The following FOCAD variants were observed in gnomAD, a reference collection of about 807,000 sequenced individuals.
The protein encoded by FOCAD is KIAA1797.
A neutral mutation model predicts 225.6 loss-of-function variants in FOCAD; 198 were observed. The observed-to-expected ratio is 0.88, with a 90% CI of 0.78 to 0.99. The LOEUF is 0.99. FOCAD is among the 50% of genes least tolerant of loss of function. The pLI is 0.00. For synonymous variants in FOCAD, 897 were observed against 755.0 expected (o/e 1.19, Z -3.08); for missense variants, 2,713 against 2,123.6 (o/e 1.28, Z -5.46).
At chr9:20,948,803 A>T (rs755432512) in intron 31 of FOCAD, 48 bp from the exon 32 acceptor site, 1 of 1,594,322 alleles carries the variant, frequency 6.3e-7, no homozygotes, top group South Asian at 1.1e-5. Flanking sequence ...TAGAATCTAA[A>T]CCCAAGGACT....
chr9:20,715,399 A>G lies in FOCAD; in HGVS notation c.46A>G (p.Ile16Val). ...RKRFEFPNSL[I>V]QSQAVGHLIA... ...AAGGTTTGAATTTCCAAATTCTCTTATCCAATCACAGGTAATTTTGTTTGT... is the reference window on the plus strand; with the variant it reads ...AAGGTTTGAATTTCCAAATTCTCTTGTCCAATCACAGGTAATTTTGTTTGT... Residue 16 changes from isoleucine to valine, a missense_variant, in exon 2 of 44, where the codon ATC becomes GTC. Transcript: ENST00000338382. The G allele has an allele frequency of 2.0e-6, 3 of 1,516,762 alleles. No individual in the cohort carries two copies. The highest frequency in any genetic ancestry group is 2.4e-5 in the East Asian group (1 of 42,088). 94.0% of individuals were successfully genotyped at this position (1,516,762 alleles called of 1,614,324 possible). A position where few individuals can be genotyped will look rare whatever the true frequency, so the allele number is the denominator to read the frequency against.
chr9:20,756,348 G>C (rs1829049667), intron 5 of FOCAD, among the ~76,000 whole-genome samples: 1 of 152,146 alleles, frequency 6.6e-6, no homozygotes, highest in African/African-American at 2.4e-5. Context: ...GGTAGTGTCA[G>C]AGAGGTGTTT....
intron 10 of FOCAD, among the ~76,000 whole-genome samples, chr9:20,785,900 C>T (rs1363943707): frequency 1.3e-5 from 2 of 152,180 alleles, no homozygotes; most frequent in East Asian, 1.9e-4. Context: ...CAGTTTCTCC[C>T]TGTCCTCGAC....
At chr9:20,666,193 T>TAGAA in intron 2 of FOCAD, among the ~76,000 whole-genome samples, 1 of 152,338 alleles carries the variant, frequency 6.6e-6, no homozygotes, top group South Asian at 2.1e-4. Flanking sequence ...TACTATCTCA[T>TAGAA]TGTTTAAACT....
Position 20,676,494 on chromosome 9 carries a change from A to C in FOCAD, c.-78+17668A>C, listed in dbSNP as rs576934093. Among the ~76,000 whole-genome samples, 6 of 152,350 alleles carry C rather than the reference A, an allele frequency of 3.9e-5. No homozygotes were observed. In the South Asian group the frequency reaches 1.0e-3, roughly 26 times the overall value. On this transcript the variant is annotated intron_variant, in intron 2 of 45. Transcript: ENST00000380249. ...TATAAAATTACAAGGCAAACAGAGCATATGTCCAAAACTCACATTATGGTA... is the reference window on the plus strand; with the variant it reads ...TATAAAATTACAAGGCAAACAGAGCCTATGTCCAAAACTCACATTATGGTA...
intron 24 of FOCAD, among the ~76,000 whole-genome samples, chr9:20,923,264 T>C (rs1292876277): frequency 6.6e-6 from 1 of 152,238 alleles, no homozygotes; most frequent in Non-Finnish European, 1.5e-5. Flanking sequence ...TGTTCTATTC[T>C]GCTGGGCTTA....
intron 29 of FOCAD, among the ~76,000 whole-genome samples, chr9:20,946,410 A>G (rs567571850): frequency 6.6e-6 from 1 of 152,196 alleles, no homozygotes; most frequent in African/African-American, 2.4e-5. Flanking sequence ...GAAATTTACT[A>G]TTATGAGTCT....
chr9:20,766,423 G>C (rs1260418300), intron 7 of FOCAD, among the ~76,000 whole-genome samples: 2 of 152,172 alleles, frequency 1.3e-5, no homozygotes, highest in Non-Finnish European at 2.9e-5. Flanking sequence ...TATACTCTCT[G>C]AAACATGACT....
rs914581314 is a variant in FOCAD at position 20,910,714 on chromosome 9, T to C, written c.2719-2152T>C. Among the ~76,000 whole-genome samples, 62 of 152,198 alleles carry C rather than the reference T, an allele frequency of 4.1e-4. 1 individual carries two copies. Among genetic ancestry groups the C allele is most frequent in the African/African-American group, 1.4e-3 (60 of 41,556 alleles). On this transcript the variant is annotated intron_variant, in intron 22 of 43. Transcript: ENST00000338382. ...AAAAATGTTAATCAGAAAGCAGAGA[T>C]GACTGAGTTGAATGCTGCTGGATCT...
At chr9:20,952,109 A>G (rs1427158905) in intron 34 of FOCAD, among the ~76,000 whole-genome samples, 1 of 152,176 alleles carries the variant, frequency 6.6e-6, no homozygotes, top group African/African-American at 2.4e-5. Context: ...CCTGGGTAAT[A>G]CTAGTTTTGA....
rs1464864536 is a variant in FOCAD, at chr9:20,981,387, T to A, written c.4378-39T>A. On this transcript the variant is annotated intron_variant, in intron 37 of 43. Coordinates refer to ENST00000338382, the MANE Select transcript of FOCAD (RefSeq NM_001375567.1). ...GGTTTTGAACATTGCAAACCCAGAC[T>A]TGCCTATTTACATTCAACCCCTTCT... 7 of 1,603,110 alleles carry A rather than the reference T, an allele frequency of 4.4e-6. No individual in the cohort carries two copies. The South Asian group carries it at 7.8e-5, about 18-fold the overall frequency.
intron 18 of FOCAD, among the ~76,000 whole-genome samples, chr9:20,871,889 C>G (rs953278200): frequency 3.5e-5 from 5 of 141,482 alleles, no homozygotes; most frequent in African/African-American, 1.3e-4. Context: ...GCACATGTAC[C>G]CTAAAACTTA....
intron 10 of FOCAD, among the ~76,000 whole-genome samples, chr9:20,784,422 T>C (rs1819703923): frequency 6.6e-6 from 1 of 152,048 alleles, no homozygotes; most frequent in Non-Finnish European, 1.5e-5. Flanking sequence ...GAAGAGTGGG[T>C]GTGGAGCTGA....
chr9:20,805,053 GGGAAATTCACGATAGCA>G (rs1394035867), intron 11 of FOCAD, among the ~76,000 whole-genome samples: 1 of 152,110 alleles, frequency 6.6e-6, no homozygotes, highest in Non-Finnish European at 1.5e-5. Context: ...AGTTTCCGCA[GGGAAATTCACGATAGCA>G]TGAAAGCCCA....
intron 6 of FOCAD, among the ~76,000 whole-genome samples, chr9:20,759,195 A>C (rs1377936396): frequency 6.6e-6 from 1 of 152,194 alleles, no homozygotes; most frequent in Non-Finnish European, 1.5e-5. Context: ...ATACTGCCCA[A>C]GGCCATTAAA....
At chr9:20,843,263 C>A (rs1163546388) in intron 15 of FOCAD, among the ~76,000 whole-genome samples, 1 of 151,968 alleles carries the variant, frequency 6.6e-6, no homozygotes, top group Admixed American at 6.6e-5. Flanking sequence ...GATTGAATAA[C>A]TCCTTTAGCA....
At chr9:20,877,300 C>G (rs1830308648) in intron 19 of FOCAD, among the ~76,000 whole-genome samples, 1 of 152,100 alleles carries the variant, frequency 6.6e-6, no homozygotes, top group African/African-American at 2.4e-5. Context: ...ATTAAAATAT[C>G]TAAAGTCTAA....
At position 20,946,719 on chromosome 9, in the gene FOCAD, A is replaced by G. The variant is rs1195477693; in HGVS notation, c.3574A>G (p.Ser1192Gly). 6.2e-7 allele frequency: 1 copy of G among 1,613,202 alleles called. No homozygotes were observed. Among genetic ancestry groups the G allele is most frequent in the Admixed American group, 1.7e-5 (1 of 59,946 alleles). Reference sequence around the variant, plus strand: ...TTCTCAGGTCCTTGCCTACACACTTAGCTGTGTATGTACATCAGCGTTCAG... The same window carrying G: ...TTCTCAGGTCCTTGCCTACACACTTGGCTGTGTATGTACATCAGCGTTCAG... ...TFQEVLAYTL[S>G]CVCTSAFSAG... The change falls in exon 30 of 44, where the codon AGC (serine) becomes GGC (glycine). Residue 1192 changes from serine (S) to glycine (G), a missense_variant. Transcript: ENST00000338382.
chr9:20,962,894 A>G (rs916049171), intron 35 of FOCAD, among the ~76,000 whole-genome samples: 1 of 152,194 alleles, frequency 6.6e-6, no homozygotes, highest in South Asian at 2.1e-4. Context: ...AAGCATTATA[A>G]TAAAGGAACT....
Sources: allele counts gnomAD v4.1 joint callset (sites outside exome capture counted in the v4.1 genomes callset), GRCh38; gene constraint gnomAD v4.1.1; transcripts MANE v1.5; gene names NCBI Gene and HGNC (gene_info 2026-07-23, HGNC 2026-07-21).